RGS7: variants seen among roughly 807,000 people sequenced by gnomAD.
The protein encoded by RGS7 is regulator of G protein signaling 7.
Under a neutral mutation model 81.1 loss-of-function variants are expected in RGS7, and 27 were observed. The ratio of observed to expected loss-of-function variants is 0.33; its 90% CI spans 0.25 to 0.46. The LOEUF (loss-of-function observed/expected upper bound fraction) is 0.46, where lower values mean the gene tolerates loss of function less well. RGS7 is among the 20% of genes least tolerant of loss of function. RGS7 has a pLI of 1.00. For missense variants in RGS7, 396 were observed against 607.4 expected (o/e 0.65, Z 3.66); for synonymous variants, 208 against 207.7 (o/e 1.00, Z -0.01).
In RGS7 at chr1:241,288,890, G is replaced by T. The variant is rs563498715; in HGVS notation, c.78+66809C>A. ...AAATGTTCCCTACCTGCTCCAGCAG[G>T]AACTAAGCCTTCCTGGAACATGATT... On this transcript the variant is annotated intron_variant, in intron 2 of 18. Transcript: ENST00000440928. Among the ~76,000 whole-genome samples the T allele has an allele frequency of 2.0e-5, 3 of 151,026 alleles. No individual in the cohort carries two copies. In the South Asian group the frequency reaches 6.5e-4, roughly 33 times the overall value.
intron 3 of RGS7, among the ~76,000 whole-genome samples, chr1:241,078,304 T>TGG (rs2062933965): frequency 2.3e-5 from 1 of 43,680 alleles, no homozygotes. Flanking sequence ...CTGGTCTCTG[T>TGG]GTGTGTGTGT....
chr1:241,060,512 T>A (rs1279577440), intron 3 of RGS7, among the ~76,000 whole-genome samples: 2 of 152,038 alleles, frequency 1.3e-5, no homozygotes, highest in Non-Finnish European at 2.9e-5. Flanking sequence ...AAGGAAGGAG[T>A]ATGCCTCAAA....
chr1:240,879,888 A>G (rs2148076745), intron 6 of RGS7, among the ~76,000 whole-genome samples: 1 of 152,310 alleles, frequency 6.6e-6, no homozygotes, highest in Middle Eastern at 3.4e-3. Context: ...TATCACAATT[A>G]TTTAGATTCT....
rs114858948 is a variant in RGS7 at position 241,153,178 on chromosome 1, A to G, written c.79-54416T>C. On this transcript the variant is annotated intron_variant, in intron 2 of 18. Transcript: ENST00000440928. The stretch of plus-strand genomic sequence containing the variant: ...AGGTAGATTTTGTTCATTTTGTAAG[A>G]TAGAAATTAGATGCATTTGTCAGGC... Among the ~76,000 whole-genome samples the G allele has an allele frequency of 7.1e-3, 1,080 of 152,316 alleles. 24 individuals carry two copies. The highest frequency in any genetic ancestry group is 0.025 in the African/African-American group (1,046 of 41,552).
chr1:241,249,053 C>A (rs1453884826), intron 2 of RGS7, among the ~76,000 whole-genome samples: 1 of 152,086 alleles, frequency 6.6e-6, no homozygotes, highest in African/African-American at 2.4e-5. Flanking sequence ...AGATTTTCTC[C>A]CAATCTATAT....
intron 18 of RGS7, among the ~76,000 whole-genome samples, chr1:240,799,259 G>A (rs1040726955): frequency 1.4e-5 from 2 of 144,324 alleles, no homozygotes; most frequent in Non-Finnish European, 3.0e-5. Context: ...TGGTTTGTGT[G>A]TGTGTGTGTG....
At chr1:240,887,475 G>A (rs2000211) in intron 6 of RGS7, among the ~76,000 whole-genome samples, 56,454 of 151,780 alleles carry the variant, frequency 0.37, 10,816 homozygotes, top group East Asian at 0.5. Context: ...TGATCTGCCC[G>A]CCTCGGCCTC....
intron 6 of RGS7, among the ~76,000 whole-genome samples, chr1:240,925,353 CTCTTA>C (rs1242184380): frequency 6.6e-6 from 1 of 152,196 alleles, no homozygotes; most frequent in South Asian, 2.1e-4. Context: ...GTTTAGCTCC[CTCTTA>C]TAAGTGAGAA....
At chr1:241,031,166 T>C (rs781243671) in intron 3 of RGS7, among the ~76,000 whole-genome samples, 2 of 152,210 alleles carry the variant, frequency 1.3e-5, no homozygotes, top group Admixed American at 6.5e-5. Flanking sequence ...ATGAATTCTA[T>C]AGTCTTGTCT....
chr1:240,868,518 G>T lies in RGS7; in HGVS notation c.609+69C>A. ...GTCACTACAGTCTTTCACTTACTTTGGCAGGGCACCCCTCACTTCCCACAG... is the reference window on the plus strand; with the variant it reads ...GTCACTACAGTCTTTCACTTACTTTTGCAGGGCACCCCTCACTTCCCACAG... On this transcript the variant is annotated intron_variant, in intron 9 of 18. Transcript: ENST00000440928. The surrounding 1 kb of genome is among the most constrained non-coding windows in gnomAD (Gnocchi z 5.1). The T allele has an allele frequency of 1.5e-6, 2 of 1,350,992 alleles. No individual in the cohort carries two copies. Among genetic ancestry groups the T allele is most frequent in the Non-Finnish European group, 2.1e-6 (2 of 941,832 alleles). The allele number at this position is 1,350,992 out of a possible 1,614,324, so 83.7% of individuals were successfully genotyped here. A position where few individuals can be genotyped will look rare whatever the true frequency, so the allele number is the denominator to read the frequency against.
intron 18 of RGS7, among the ~76,000 whole-genome samples, chr1:240,784,630 A>G (rs1684752165): frequency 6.6e-6 from 1 of 151,682 alleles, no homozygotes; most frequent in Admixed American, 6.6e-5. Flanking sequence ...TGGGCAACAG[A>G]ATAAGACTCC....
intron 3 of RGS7, among the ~76,000 whole-genome samples, chr1:240,985,218 A>G (rs1453459466): frequency 6.6e-6 from 1 of 152,222 alleles, no homozygotes; most frequent in Non-Finnish European, 1.5e-5. Context: ...CAGATACACA[A>G]ATCTTCCGCA....
intron 5 of RGS7, among the ~76,000 whole-genome samples, chr1:240,933,157 C>CA (rs1675978089): frequency 6.6e-6 from 1 of 151,710 alleles, no homozygotes; most frequent in African/African-American, 2.4e-5. Flanking sequence ...GCTGGGATTA[C>CA]AGGTGTGAGC....
At chr1:240,809,556 T>G (rs1038009290) in intron 14 of RGS7, among the ~76,000 whole-genome samples, 1 of 152,176 alleles carries the variant, frequency 6.6e-6, no homozygotes, top group Non-Finnish European at 1.5e-5. Flanking sequence ...GAATGCCACT[T>G]ACATGCAATC....
At position 240,798,259 on chromosome 1, in the gene RGS7, C is replaced by A. The variant is rs139727181; in HGVS notation, c.*6+2382G>T. On this transcript the variant is annotated intron_variant, in intron 18 of 18. Coordinates refer to ENST00000440928, the MANE Select transcript of RGS7 (RefSeq NM_001364886.1). Reference sequence around the variant, plus strand: ...TCCTCAGCTGTTTATTATAATTTTTCTCTAAAGTGCTAGTAAGTATTTATG... The same window carrying A: ...TCCTCAGCTGTTTATTATAATTTTTATCTAAAGTGCTAGTAAGTATTTATG... 7.7e-4 allele frequency among the ~76,000 whole-genome samples: 117 copies of A among 152,280 alleles called. No individual in the cohort carries two copies. In the Middle Eastern group the frequency reaches 0.024, roughly 31 times the overall value.
intron 2 of RGS7, among the ~76,000 whole-genome samples, chr1:241,176,073 G>A (rs769840121): frequency 3.3e-5 from 5 of 152,194 alleles, no homozygotes; most frequent in Non-Finnish European, 5.9e-5. Context: ...AGGAGGTCCT[G>A]TGAGTGTATG....
chr1:241,254,783 T>C (rs977951016), intron 2 of RGS7, among the ~76,000 whole-genome samples: 4 of 152,214 alleles, frequency 2.6e-5, no homozygotes, highest in African/African-American at 9.7e-5. Context: ...TATAATGATA[T>C]AGTAAAAACC....
At chr1:240,895,832 T>C (rs1669002729) in intron 6 of RGS7, among the ~76,000 whole-genome samples, 1 of 152,220 alleles carries the variant, frequency 6.6e-6, no homozygotes, top group Admixed American at 6.5e-5. Context: ...CAAATGGTAT[T>C]TCTAGTTCTA....
chr1:241,204,017 A>G (rs1442602621), intron 2 of RGS7, among the ~76,000 whole-genome samples: 1 of 152,234 alleles, frequency 6.6e-6, no homozygotes, highest in Non-Finnish European at 1.5e-5. Context: ...ATGGCCAACA[A>G]TCTGAAGATA....
Sources: gnomAD v4.1 joint callset for allele counts (sites outside exome capture counted in the v4.1 genomes callset) on GRCh38, gnomAD v4.1.1 for gene constraint, Gnocchi (gnomAD v3.1) non-coding constraint, MANE v1.5 for transcripts, NCBI Gene and HGNC (gene_info 2026-07-23, HGNC 2026-07-21) for gene names.